Variants in PPME1 observed in about 807,000 individuals in gnomAD.
The protein encoded by PPME1 is protein phosphatase methylesterase 1, also known as testicular secretory protein Li 39.
Under a neutral mutation model 56.9 loss-of-function variants are expected in PPME1, and 17 were observed. The ratio of observed to expected loss-of-function variants is 0.30; its 90% CI spans 0.20 to 0.45. PPME1 has a LOEUF of 0.45. PPME1 is among the 20% of genes least tolerant of loss of function. The pLI is 1.00. For synonymous variants in PPME1, 122 were observed against 156.2 expected, an observed-to-expected ratio of 0.78 and a Z score of 1.63; for missense variants, 357 against 483.2, an observed-to-expected ratio of 0.74 and a Z score of 2.45.
At chr11:74,201,363 G>T (rs1008671771) in intron 1 of PPME1, among the ~76,000 whole-genome samples, 1 of 147,550 alleles carries the variant, frequency 6.8e-6, no homozygotes, top group South Asian at 2.1e-4. Flanking sequence ...CTTATAGGAA[G>T]TAAGTTTTAA....
chr11:74,208,626 G>A (rs1858392181), intron 3 of PPME1, among the ~76,000 whole-genome samples: 1 of 152,192 alleles, frequency 6.6e-6, no homozygotes, highest in East Asian at 1.9e-4. Context: ...CTAGTTAATA[G>A]AGTGGTTGTG....
At chr11:74,252,251 GT>G (rs1249533305) in intron 13 of PPME1, among the ~76,000 whole-genome samples, 75 of 118,436 alleles carry the variant, frequency 6.3e-4, no homozygotes, top group South Asian at 1.9e-3. Flanking sequence ...TTTTTTTTTT[GT>G]TTTTTTTTTT....
At position 74,254,148 on chromosome 11, in the gene PPME1, GCCCACTGTCCCACT is replaced by G. The variant is rs1240365207; in HGVS notation, c.*644_*657del. 2 of 153,508 alleles carry G rather than the reference GCCCACTGTCCCACT, an allele frequency of 1.3e-5. No individual in the cohort carries two copies. The highest frequency in any genetic ancestry group is 2.9e-5 in the Non-Finnish European group (2 of 68,754). The allele number at this position is 153,508 out of a possible 1,614,324, so 9.5% of individuals were successfully genotyped here. A position where few individuals can be genotyped will look rare whatever the true frequency, so the allele number is the denominator to read the frequency against. ...AGCACATGGCCTCCCATCTGGGAGA[GCCCACTGTCCCACT>G]CCCACATGTCTGGGCACCTGCCCTG... is the stretch of plus-strand genomic sequence containing the variant. On this transcript the variant is annotated 3_prime_UTR_variant, in exon 14 of 14. Transcript: ENST00000328257.
chr11:74,222,345 G>A lies in PPME1; in HGVS notation c.322G>A (p.Val108Ile). Residue 108 changes from valine (V) to isoleucine (I), a missense_variant, in exon 4 of 14, where the codon GTA becomes ATA. By Grantham distance (29) the Val-to-Ile change is conservative. Coordinates refer to ENST00000328257, the MANE Select transcript of PPME1 (RefSeq NM_016147.3). ...TATTAGTAGAGTTCAGTGTAGGATT[G>A]TAGCTTTGGATCTGCGAAGTCATGG... is the stretch of plus-strand genomic sequence containing the variant. ...AIISRVQCRI[V>I]ALDLRSHGET... The A allele has an allele frequency of 3.1e-6, 5 of 1,612,136 alleles. No individual in the cohort carries two copies. Among genetic ancestry groups the A allele is most frequent in the East Asian group, 2.2e-5 (1 of 44,864 alleles).
intron 3 of PPME1, among the ~76,000 whole-genome samples, chr11:74,217,356 A>G (rs774931740): frequency 5.3e-5 from 8 of 152,180 alleles, no homozygotes; most frequent in Non-Finnish European, 8.8e-5. Context: ...AGCCTGGCCA[A>G]CATGGTGAAA....
chr11:74,190,719 C>T (rs770994913), intron 1 of PPME1, among the ~76,000 whole-genome samples: 1 of 152,108 alleles, frequency 6.6e-6, no homozygotes, highest in African/African-American at 2.4e-5. Context: ...TTGGAGGACT[C>T]AGAAGAAGAC....
rs187303693 is a variant in PPME1 at position 74,231,491 on chromosome 11, C to T, written c.644+489C>T. 6.6e-5 allele frequency among the ~76,000 whole-genome samples: 10 copies of T among 152,280 alleles called. No individual in the cohort carries two copies. The East Asian group carries it at 7.7e-4, about 12-fold the overall frequency. ...TCAAGGAATAGAATTTCAGTTGCCA[C>T]GCCTTATTGTAATAGCATATGAGGA... On this transcript the variant is annotated intron_variant, in intron 7 of 13. Transcript: ENST00000328257.
At chr11:74,181,030 CTTTTTTTTTT>C (rs1005872237) in intron 1 of PPME1, among the ~76,000 whole-genome samples, 1 of 96,156 alleles carries the variant, frequency 1.0e-5, no homozygotes, top group African/African-American at 4.3e-5. Flanking sequence ...ATTTTCTTCA[CTTTTTTTTTT>C]TTTTTTTTTT....
chr11:74,222,293 C>G lies in PPME1; in HGVS notation c.289-19C>G. On this transcript the variant is annotated intron_variant, in intron 3 of 13. Transcript: ENST00000328257. ...TGTTATCCTAGATGTGTCTTAACTACTTTTCCTTTTTCTCCTAGGCAGCGA... is the reference window on the plus strand; with the variant it reads ...TGTTATCCTAGATGTGTCTTAACTAGTTTTCCTTTTTCTCCTAGGCAGCGA... 6.3e-7 allele frequency: 1 copy of G among 1,590,630 alleles called. No individual in the cohort carries two copies. Among genetic ancestry groups the G allele is most frequent in the Non-Finnish European group, 8.6e-7 (1 of 1,159,082 alleles).
rs886678375 is a variant in PPME1, at chr11:74,236,121, T to C, written c.710+155T>C. On this transcript the variant is annotated intron_variant, in intron 8 of 13. Coordinates refer to ENST00000328257, the MANE Select transcript of PPME1 (RefSeq NM_016147.3). ...AAGGTGAGTTCAGTTGGGACAGACA[T>C]AGATTTTCTTTCGCCTGCCTTCCTT... 29 of 1,260,690 alleles carry C rather than the reference T, an allele frequency of 2.3e-5. No individual in the cohort carries two copies. The Admixed American group carries it at 9.0e-4, about 39-fold the overall frequency. The allele number at this position is 1,260,690 out of a possible 1,614,324, so 78.1% of individuals were successfully genotyped here. A position where few individuals can be genotyped will look rare whatever the true frequency, so the allele number is the denominator to read the frequency against.
At chr11:74,227,232 T>C (rs1858953200) in intron 5 of PPME1, among the ~76,000 whole-genome samples, 1 of 152,138 alleles carries the variant, frequency 6.6e-6, no homozygotes, top group South Asian at 2.1e-4. Flanking sequence ...TAGCTTAATA[T>C]CATGCCTACT....
At chr11:74,175,832 C>G (rs1292488676) in intron 1 of PPME1, among the ~76,000 whole-genome samples, 5 of 152,150 alleles carry the variant, frequency 3.3e-5, no homozygotes, top group African/African-American at 1.2e-4. Context: ...CTGAAATGTT[C>G]ATTGACTTGC....
chr11:74,230,721 C>T lies in PPME1; in HGVS notation c.554-191C>T. 1 of 612,450 alleles carries T rather than the reference C, an allele frequency of 1.6e-6. No homozygotes were observed. The highest frequency in any genetic ancestry group is 2.8e-6 in the Non-Finnish European group (1 of 352,156). 37.9% of individuals were successfully genotyped at this position (612,450 alleles called of 1,614,324 possible). A position where few individuals can be genotyped will look rare whatever the true frequency, so the allele number is the denominator to read the frequency against. On this transcript the variant is annotated intron_variant, in intron 6 of 13. Coordinates refer to ENST00000328257, the MANE Select transcript of PPME1 (RefSeq NM_016147.3). This position sits in a 1 kb window ranked among gnomAD's most constrained non-coding sequence, Gnocchi z 4.9. Reference sequence around the variant, plus strand: ...GCTGCTTGTGAATACAAGTCATCCTCTTCAGTGTGAGGGCATGACATAAAG... The same window carrying T: ...GCTGCTTGTGAATACAAGTCATCCTTTTCAGTGTGAGGGCATGACATAAAG...
At chr11:74,246,995 C>G in intron 10 of PPME1, 84 bp from the exon 11 acceptor site, 1 of 1,137,462 alleles carries the variant, frequency 8.8e-7, no homozygotes, top group South Asian at 1.3e-5. Context: ...TGGAGAATGT[C>G]ATCATATTTA....
chr11:74,231,121 G>C (rs1327696771), intron 7 of PPME1, 119 bp downstream of exon 7: 1 of 827,432 alleles, frequency 1.2e-6, no homozygotes, highest in Non-Finnish European at 1.9e-6. Context: ...GCAGTGGCAT[G>C]ATCCTAGCTC....
intron 8 of PPME1, chr11:74,237,777 G>A (rs1859234625): frequency 6.6e-6 from 1 of 152,196 alleles, no homozygotes; most frequent in Admixed American, 6.5e-5. Flanking sequence ...AAACTCCTGT[G>A]TATTTGACTT....
chr11:74,195,434 A>G (rs564556065), intron 1 of PPME1, among the ~76,000 whole-genome samples: 10 of 152,142 alleles, frequency 6.6e-5, no homozygotes, highest in Non-Finnish European at 1.2e-4. Context: ...TTTCAGATTC[A>G]TGTACTTTTA....
At chr11:74,184,538 T>C (rs972791152) in intron 1 of PPME1, among the ~76,000 whole-genome samples, 1 of 152,240 alleles carries the variant, frequency 6.6e-6, no homozygotes, top group Non-Finnish European at 1.5e-5. Flanking sequence ...TACTTTTGCC[T>C]CTTCCCTAAC....
rs753681628 is a variant in PPME1, at chr11:74,225,167, T to C, written c.347-38T>C. The stretch of plus-strand genomic sequence containing the variant: ...AATACTTCTGCTTTTATAATTCCTG[T>C]CTGTGGGAATTTTATTTTTAAAATA... On this transcript the variant is annotated intron_variant, in intron 4 of 13. Transcript: ENST00000328257. 16 of 1,351,842 alleles carry C rather than the reference T, an allele frequency of 1.2e-5. No homozygotes were observed. In the African/African-American group the frequency reaches 2.3e-4, roughly 20 times the overall value. 83.7% of individuals were successfully genotyped at this position (1,351,842 alleles called of 1,614,324 possible).
Sources: allele counts gnomAD v4.1 joint callset (sites outside exome capture counted in the v4.1 genomes callset), GRCh38; gene constraint gnomAD v4.1.1; non-coding constraint Gnocchi (gnomAD v3.1); transcripts MANE v1.5; gene names NCBI Gene and HGNC (gene_info 2026-07-23, HGNC 2026-07-21).